Variants in KCNG3 observed in about 807,000 individuals in gnomAD.
KCNG3 encodes the protein potassium voltage-gated channel modifier subfamily G member 3.
KCNG3 carries 15 observed loss-of-function variants against 29.0 expected under a neutral mutation model. The observed-to-expected ratio is 0.52, with a 90% CI of 0.35 to 0.80. The LOEUF (loss-of-function observed/expected upper bound fraction) is 0.80. KCNG3 is among the 30% of genes least tolerant of loss of function. KCNG3 has a pLI of 0.01. For synonymous variants in KCNG3, 322 were observed against 248.9 expected, an observed-to-expected ratio of 1.29 and a Z score of -2.76; for missense variants, 512 against 605.7, an observed-to-expected ratio of 0.85 and a Z score of 1.62.
At position 42,488,993 on chromosome 2, in the gene KCNG3, G is replaced by A. The variant is rs185421318; in HGVS notation, c.665+3844C>T. 6.9e-4 allele frequency among the ~76,000 whole-genome samples: 105 copies of A among 152,132 alleles called. 2 individuals carry two copies. The South Asian group carries it at 0.021, about 31-fold the overall frequency. ...AAATGACAACTCTGGCAAGTACTAA[G>A]AATTATTTCCTAGTATTTCAGCTGG... On this transcript the variant is annotated intron_variant, in intron 1 of 1. Transcript: ENST00000306078.
chr2:42,424,495 C>T, the KCNG3 span, among the ~76,000 whole-genome samples: 2 of 151,196 alleles, frequency 1.3e-5, no homozygotes, highest in Middle Eastern at 3.5e-3. Flanking sequence ...AAAGTTCAAC[C>T]ATGCACACTG....
the KCNG3 span, among the ~76,000 whole-genome samples, chr2:42,428,371 G>C: frequency 1.4e-5 from 2 of 146,856 alleles, no homozygotes; most frequent in African/African-American, 5.0e-5. Flanking sequence ...TGAGGCAGGA[G>C]AATCCCCTGA....
chr2:42,402,687 CATCT>C, the KCNG3 span, among the ~76,000 whole-genome samples: 1 of 152,206 alleles, frequency 6.6e-6, no homozygotes, highest in Non-Finnish European at 1.5e-5. Flanking sequence ...TGACAGAGCA[CATCT>C]ATCATATAAC....
rs970229565 is a variant in KCNG3, at chr2:42,443,080, T to C, written c.*854A>G. The C allele has an allele frequency of 6.6e-6, 1 of 152,214 alleles. No individual in the cohort carries two copies. The highest frequency in any genetic ancestry group is 2.4e-5 in the African/African-American group (1 of 41,466). 9.4% of individuals were successfully genotyped at this position (152,214 alleles called of 1,614,324 possible). On this transcript the variant is annotated 3_prime_UTR_variant, in exon 2 of 2. Coordinates refer to ENST00000306078, the MANE Select transcript of KCNG3 (RefSeq NM_133329.6). ...AGGAGGTTAAGAGAAGAAGAGGTTGTAATATTGAGTCATCTCAAATTATTC... is the reference window on the plus strand; with the variant it reads ...AGGAGGTTAAGAGAAGAAGAGGTTGCAATATTGAGTCATCTCAAATTATTC...
At position 42,493,859 on chromosome 2, in the gene KCNG3, A is replaced by AC. The variant is rs1673996476; in HGVS notation, c.-359dup. The AC allele has an allele frequency of 1.1e-5, 2 of 188,864 alleles. No homozygotes were observed. The highest frequency in any genetic ancestry group is 2.4e-5 in the African/African-American group (1 of 42,346). 11.7% of individuals were successfully genotyped at this position (188,864 alleles called of 1,614,324 possible). A position where few individuals can be genotyped will look rare whatever the true frequency, so the allele number is the denominator to read the frequency against. ...TGCCCTCTCCCAAGCCGCGGGGCCGACCCCCTGAGGGCTGCGGGCGCCGAA... is the reference window on the plus strand; with the variant it reads ...TGCCCTCTCCCAAGCCGCGGGGCCGACCCCCCTGAGGGCTGCGGGCGCCGAA... On this transcript the variant is annotated 5_prime_UTR_variant, in exon 1 of 2. Transcript: ENST00000306078.
chr2:42,397,610 G>A, the KCNG3 span, among the ~76,000 whole-genome samples: 1 of 152,198 alleles, frequency 6.6e-6, no homozygotes, highest in Non-Finnish European at 1.5e-5. Flanking sequence ...TAGGTATAAA[G>A]GTGACACACA....
the KCNG3 span, among the ~76,000 whole-genome samples, chr2:42,401,442 T>C: frequency 1.2e-4 from 18 of 150,968 alleles, no homozygotes; most frequent in Non-Finnish European, 1.5e-4. Context: ...TAAATATATA[T>C]ACATATATGT....
At chr2:42,461,371 G>A (rs982056359) in intron 1 of KCNG3, among the ~76,000 whole-genome samples, 1 of 151,982 alleles carries the variant, frequency 6.6e-6, no homozygotes, top group African/African-American at 2.4e-5. Context: ...CGCCTTGCCT[G>A]AGGCTCTTGA....
chr2:42,482,533 G>A (rs546747512), intron 1 of KCNG3, among the ~76,000 whole-genome samples: 140 of 152,288 alleles, frequency 9.2e-4, no homozygotes, highest in Admixed American at 3.6e-3. Context: ...GACCAGCCTA[G>A]CCAACACGGT....
intron 1 of KCNG3, among the ~76,000 whole-genome samples, chr2:42,465,072 G>C (rs1673106815): frequency 6.6e-6 from 1 of 152,140 alleles, no homozygotes; most frequent in African/African-American, 2.4e-5. Flanking sequence ...TATATTTGGT[G>C]TGTTGATTTT....
At chr2:42,467,702 G>T (rs1673176422) in intron 1 of KCNG3, among the ~76,000 whole-genome samples, 1 of 147,882 alleles carries the variant, frequency 6.8e-6, no homozygotes, top group South Asian at 2.2e-4. Context: ...ATGTGTGATG[G>T]CTCACAACAG....
the KCNG3 span, among the ~76,000 whole-genome samples, chr2:42,400,784 G>T: frequency 8.2e-4 from 123 of 149,098 alleles, no homozygotes; most frequent in African/African-American, 1.5e-3. Flanking sequence ...GAAAAAATGG[G>T]TTTTTTTTTT....
chr2:42,393,143 A>G, the KCNG3 span, among the ~76,000 whole-genome samples: 2 of 152,174 alleles, frequency 1.3e-5, no homozygotes, highest in Non-Finnish European at 2.9e-5. Context: ...AGTTGGTAGT[A>G]AGAGAATTAA....
chr2:42,391,812 C>T, the KCNG3 span, among the ~76,000 whole-genome samples: 1 of 151,228 alleles, frequency 6.6e-6, no homozygotes, highest in Non-Finnish European at 1.5e-5. Flanking sequence ...CCGTTTTAGC[C>T]GGGATGGTCT....
chr2:42,439,303 C>G (rs528380690), downstream of KCNG3, among the ~76,000 whole-genome samples: 1 of 151,150 alleles, frequency 6.6e-6, no homozygotes, highest in South Asian at 2.1e-4. Context: ...CCTCTGTCAC[C>G]CATGCTAGAG....
intron 1 of KCNG3, among the ~76,000 whole-genome samples, chr2:42,479,965 TTG>T: frequency 6.6e-6 from 1 of 152,158 alleles, no homozygotes; most frequent in African/African-American, 2.4e-5. Flanking sequence ...TGAGCTGAGA[TTG>T]CATGCACCAT....
intron 1 of KCNG3, among the ~76,000 whole-genome samples, chr2:42,448,626 C>T (rs140482804): frequency 6.6e-6 from 1 of 152,204 alleles, no homozygotes; most frequent in Non-Finnish European, 1.5e-5. Flanking sequence ...GGTTTGATCA[C>T]AAGGATCCAC....
intron 1 of KCNG3, among the ~76,000 whole-genome samples, chr2:42,456,245 G>A (rs1572846666): frequency 6.6e-6 from 1 of 152,226 alleles, no homozygotes; most frequent in African/African-American, 2.4e-5. Flanking sequence ...AATATGGCTA[G>A]GTGCAGTGGC....
At chr2:42,482,528 G>GCC (rs1185569528) in intron 1 of KCNG3, among the ~76,000 whole-genome samples, 1 of 152,142 alleles carries the variant, frequency 6.6e-6, no homozygotes, top group Non-Finnish European at 1.5e-5. Context: ...TTCAAGACCA[G>GCC]CCTAGCCAAC....
Sources: gnomAD v4.1 joint callset for allele counts (sites outside exome capture counted in the v4.1 genomes callset) on GRCh38, gnomAD v4.1.1 for gene constraint, MANE v1.5 for transcripts, NCBI Gene and HGNC (gene_info 2026-07-23, HGNC 2026-07-21) for gene names.